The following STX18 variants were observed in gnomAD, a reference collection of about 807,000 sequenced individuals.
STX18 encodes syntaxin-18.
STX18 carries 40 observed loss-of-function variants against 50.1 expected under a neutral mutation model. That is an observed-to-expected ratio of 0.80 (90% CI 0.62 to 1.04). The LOEUF is 1.04. Ranked by LOEUF, STX18 falls within the 50% of genes least tolerant of loss-of-function variation. The probability of loss-of-function intolerance (pLI) is 0.00; values close to 1 mark genes in which losing one functional copy is unlikely to be tolerated. For synonymous variants in STX18, 158 were observed against 151.8 expected, an observed-to-expected ratio of 1.04 and a Z score of -0.30; for missense variants, 410 against 415.8, an observed-to-expected ratio of 0.99 and a Z score of 0.12.
intron 1 of STX18, among the ~76,000 whole-genome samples, chr4:4,513,823 G>A (rs528381958): frequency 1.3e-5 from 2 of 152,334 alleles, no homozygotes; most frequent in East Asian, 3.9e-4. Context: ...TGACTGTGAT[G>A]AGACAATCAT....
Position 4,420,129 on chromosome 4 carries a change from C to T in STX18, c.913G>A (p.Ala305Thr). The stretch of plus-strand genomic sequence containing the variant: ...CGGAAGCCAGCGTTGTTTTTAATGG[C>T]CTGGGCAGGGACGGGAGCACAGGTG... Reference protein sequence around the residue: ...IKEGNEDIREAIKNNAGFRVW... With the variant: ...IKEGNEDIRETIKNNAGFRVW... The change falls in exon 11 of 11, where the codon GCC becomes ACC. Residue 305 changes from alanine to threonine, a missense_variant and splice_region_variant. Ala to Thr is a moderately conservative substitution (Grantham distance 58). Transcript: ENST00000306200. The surrounding 1 kb of genome is among the most constrained non-coding windows in gnomAD (Gnocchi z 4.3). 6.2e-7 allele frequency: 1 copy of T among 1,609,578 alleles called. No homozygotes were observed. The highest frequency in any genetic ancestry group is 1.3e-5 in the African/African-American group (1 of 74,932).
At chr4:4,474,044 C>A (rs946307273) in intron 1 of STX18, among the ~76,000 whole-genome samples, 1 of 152,094 alleles carries the variant, frequency 6.6e-6, no homozygotes, top group African/African-American at 2.4e-5. Context: ...CCCAGGCCTT[C>A]CCCTCACTTG....
chr4:4,504,898 T>TA (rs200027209), intron 1 of STX18, among the ~76,000 whole-genome samples: 24 of 151,012 alleles, frequency 1.6e-4, no homozygotes, highest in East Asian at 3.9e-4. Context: ...AGTAGCTGTT[T>TA]AAAAAAAAAA....
intron 1 of STX18, among the ~76,000 whole-genome samples, chr4:4,513,651 G>A (rs1419249387): frequency 3.3e-5 from 5 of 152,216 alleles, no homozygotes; most frequent in African/African-American, 9.6e-5. Flanking sequence ...CTAAAATCAG[G>A]TTAGTAAAAA....
At chr4:4,482,892 T>G (rs1728529068) in intron 1 of STX18, among the ~76,000 whole-genome samples, 1 of 152,186 alleles carries the variant, frequency 6.6e-6, no homozygotes, top group Non-Finnish European at 1.5e-5. Context: ...AAAAAATAAA[T>G]AAGGCCATCT....
At chr4:4,497,114 G>A (rs1729214681) in intron 1 of STX18, among the ~76,000 whole-genome samples, 1 of 152,160 alleles carries the variant, frequency 6.6e-6, no homozygotes, top group African/African-American at 2.4e-5. Flanking sequence ...GGCCCACGGT[G>A]GACACTGTCC....
rs1439340691 is a variant in STX18 at position 4,420,698 on chromosome 4, G to A, written c.912+166C>T. The A allele has an allele frequency of 4.7e-6, 3 of 631,724 alleles. No homozygotes were observed. The East Asian group carries it at 8.3e-5, about 18-fold the overall frequency. 39.1% of individuals were successfully genotyped at this position (631,724 alleles called of 1,614,324 possible). A position where few individuals can be genotyped will look rare whatever the true frequency, so the allele number is the denominator to read the frequency against. ...AGCAGCTGGAGGTGGGCGACAGGTGGTGGGTCTCATGAACACACGCAGCTC... is the reference window on the plus strand; with the variant it reads ...AGCAGCTGGAGGTGGGCGACAGGTGATGGGTCTCATGAACACACGCAGCTC... On this transcript the variant is annotated intron_variant, in intron 10 of 10. Coordinates refer to ENST00000306200, the MANE Select transcript of STX18 (RefSeq NM_016930.4). This position sits in a 1 kb window ranked among gnomAD's most constrained non-coding sequence, Gnocchi z 4.3.
At chr4:4,456,519 G>T (rs563656495) in intron 5 of STX18, among the ~76,000 whole-genome samples, 2 of 152,304 alleles carry the variant, frequency 1.3e-5, no homozygotes, top group Admixed American at 1.3e-4. Context: ...GAAAATACAG[G>T]AGCCTGGCCC....
At chr4:4,503,977 C>T (rs28604486) in intron 1 of STX18, among the ~76,000 whole-genome samples, 5,237 of 151,824 alleles carry the variant, frequency 0.034, 226 homozygotes, top group African/African-American at 0.11. Flanking sequence ...TACATATGAG[C>T]GGTTACTCAG....
intron 1 of STX18, chr4:4,507,564 CTG>C (rs1729774804): frequency 3.9e-6 from 3 of 765,342 alleles, no homozygotes. Flanking sequence ...GGAGTGCACT[CTG>C]ACAGCTGTGC....
intron 1 of STX18, among the ~76,000 whole-genome samples, chr4:4,480,266 T>G (rs955207739): frequency 1.3e-5 from 2 of 152,222 alleles, no homozygotes; most frequent in African/African-American, 2.4e-5. Flanking sequence ...AGGGTGAATC[T>G]TCCCACATAC....
In STX18 at chr4:4,541,774, C is replaced by A. The variant is rs1476218641; in HGVS notation, c.168+23G>T. On this transcript the variant is annotated intron_variant, in intron 1 of 10. Coordinates refer to ENST00000306200, the MANE Select transcript of STX18 (RefSeq NM_016930.4). ...CAGGACTGCCCCCTCCTCAACCCGC[C>A]GTTTCCATAGCAACCAGCTCACCAC... 17 of 1,594,286 alleles carry A rather than the reference C, an allele frequency of 1.1e-5. No homozygotes were observed. The South Asian group carries it at 1.8e-4, about 17-fold the overall frequency.
intron 6 of STX18, 99 bp downstream of exon 6, chr4:4,438,295 A>C: frequency 2.1e-6 from 2 of 930,264 alleles, no homozygotes; most frequent in Non-Finnish European, 3.3e-6. Context: ...ACAAACACCA[A>C]AACATGTCTG....
At chr4:4,542,219 G>C, upstream of STX18, 3 of 452,276 alleles carry the variant, frequency 6.6e-6, no homozygotes, top group Non-Finnish European at 1.2e-5. Flanking sequence ...AGCAAAGCTT[G>C]GAGGGTTTAG....
At chr4:4,451,907 A>C (rs755384598) in intron 5 of STX18, among the ~76,000 whole-genome samples, 1 of 152,224 alleles carries the variant, frequency 6.6e-6, no homozygotes, top group South Asian at 2.1e-4. Flanking sequence ...CTTAGTTAGA[A>C]GGCAGGTCAA....
At chr4:4,511,024 G>C (rs755806013) in intron 1 of STX18, among the ~76,000 whole-genome samples, 29 of 152,156 alleles carry the variant, frequency 1.9e-4, no homozygotes, top group Non-Finnish European at 3.4e-4. Flanking sequence ...ACAAGGGGGA[G>C]GGAGAGCATT....
chr4:4,497,610 G>A (rs1729240616), intron 1 of STX18, among the ~76,000 whole-genome samples: 1 of 152,072 alleles, frequency 6.6e-6, no homozygotes, highest in East Asian at 1.9e-4. Context: ...TTTTACATAG[G>A]AGAAAACTGA....
At chr4:4,523,646 T>C (rs1055067822) in intron 1 of STX18, among the ~76,000 whole-genome samples, 1 of 152,196 alleles carries the variant, frequency 6.6e-6, no homozygotes, top group African/African-American at 2.4e-5. Context: ...CCTAGCTCTA[T>C]AGTAACGAGC....
At chr4:4,437,175 G>C (rs867551738) in intron 6 of STX18, among the ~76,000 whole-genome samples, 4 of 152,012 alleles carry the variant, frequency 2.6e-5, no homozygotes, top group Admixed American at 6.6e-5. Context: ...GGCTGGTCTT[G>C]ATGTCCTGAC....
Sources: gnomAD v4.1 joint callset for allele counts (sites outside exome capture counted in the v4.1 genomes callset) on GRCh38, gnomAD v4.1.1 for gene constraint, Gnocchi (gnomAD v3.1) non-coding constraint, MANE v1.5 for transcripts, NCBI Gene and HGNC (gene_info 2026-07-23, HGNC 2026-07-21) for gene names.